The following KCNN3 variants were observed in gnomAD, a reference collection of about 807,000 sequenced individuals.
KCNN3 encodes the protein small conductance calcium-activated potassium channel protein 3.
A neutral mutation model predicts 62.9 loss-of-function variants in KCNN3; 16 were observed. That is an observed-to-expected ratio of 0.25 (90% CI 0.17 to 0.39). The LOEUF (loss-of-function observed/expected upper bound fraction) is 0.39, where lower values mean the gene tolerates loss of function less well. KCNN3 is among the 10% of genes least tolerant of loss of function. The pLI, the probability that KCNN3 is intolerant of heterozygous loss-of-function variation, is 1.00. For synonymous variants in KCNN3, 370 were observed against 389.2 expected, an observed-to-expected ratio of 0.95 and a Z score of 0.58; for missense variants, 599 against 949.4, an observed-to-expected ratio of 0.63 and a Z score of 4.85.
chr1:154,846,340 TC>T (rs1270918717), intron 1 of KCNN3, among the ~76,000 whole-genome samples: 8 of 152,072 alleles, frequency 5.3e-5, no homozygotes, highest in Non-Finnish European at 1.2e-4. Context: ...CTCCAAATCA[TC>T]GCTGGCTTCT....
intron 4 of KCNN3, among the ~76,000 whole-genome samples, chr1:154,727,939 G>T (rs150133840): frequency 3.3e-5 from 5 of 152,308 alleles, no homozygotes; most frequent in African/African-American, 1.2e-4. Context: ...GTTAAAAATG[G>T]AACATCAGAT....
At chr1:154,720,777 A>G (rs937238903) in intron 5 of KCNN3, among the ~76,000 whole-genome samples, 3 of 152,206 alleles carry the variant, frequency 2.0e-5, no homozygotes, top group African/African-American at 7.2e-5. Flanking sequence ...GGGGTAAGGG[A>G]CGCCGAAGTG....
chr1:154,765,466 T>C (rs142453776), intron 3 of KCNN3, among the ~76,000 whole-genome samples: 122 of 152,270 alleles, frequency 8.0e-4, no homozygotes, highest in African/African-American at 2.7e-3. Context: ...GTGCCATCAA[T>C]GTGGATTTTC....
chr1:154,735,849 C>G (rs968331735), intron 3 of KCNN3, among the ~76,000 whole-genome samples: 1 of 152,166 alleles, frequency 6.6e-6, no homozygotes, highest in African/African-American at 2.4e-5. Context: ...GAAAATCAGA[C>G]TTTAGCTTCT....
intron 2 of KCNN3, among the ~76,000 whole-genome samples, chr1:154,819,399 C>T (rs1050379963): frequency 6.6e-6 from 1 of 152,122 alleles, no homozygotes; most frequent in Non-Finnish European, 1.5e-5. Context: ...TATACTCTGC[C>T]GAGAAGAGTA....
At chr1:154,822,217 G>A in intron 1 of KCNN3, 33 bp from the exon 2 acceptor site, 8 of 1,487,788 alleles carry the variant, frequency 5.4e-6, no homozygotes, top group Non-Finnish European at 7.5e-6. Flanking sequence ...GAATTAGGGA[G>A]TGCGGGGAAA....
chr1:154,750,182 A>G (rs971071225), intron 3 of KCNN3, among the ~76,000 whole-genome samples: 4 of 152,208 alleles, frequency 2.6e-5, no homozygotes, highest in Admixed American at 6.5e-5. Flanking sequence ...AGTCGCACAC[A>G]CTTTTCCCTC....
At chr1:154,813,133 G>C (rs1650498064) in intron 2 of KCNN3, among the ~76,000 whole-genome samples, 1 of 151,830 alleles carries the variant, frequency 6.6e-6, no homozygotes, top group African/African-American at 2.4e-5. Flanking sequence ...AACTGGCCCT[G>C]GCCTCTCGTC....
At chr1:154,754,616 G>C (rs891946155) in intron 3 of KCNN3, among the ~76,000 whole-genome samples, 1 of 152,146 alleles carries the variant, frequency 6.6e-6, no homozygotes, top group Non-Finnish European at 1.5e-5. Context: ...TGGCTAAAAG[G>C]TAGGTGGGAT....
intron 1 of KCNN3, among the ~76,000 whole-genome samples, chr1:154,861,416 A>T (rs994464309): frequency 3.3e-5 from 5 of 152,038 alleles, no homozygotes; most frequent in African/African-American, 9.7e-5. Context: ...CTGCCTGCCC[A>T]AAGCCTCTCC....
intron 1 of KCNN3, among the ~76,000 whole-genome samples, chr1:154,846,637 A>G (rs374864516): frequency 1.3e-5 from 2 of 152,112 alleles, no homozygotes; most frequent in South Asian, 2.1e-4. Flanking sequence ...CCCTACTGCC[A>G]TTGGGTGTCT....
At chr1:154,788,322 T>C (rs1277067169) in intron 2 of KCNN3, among the ~76,000 whole-genome samples, 3 of 152,176 alleles carry the variant, frequency 2.0e-5, no homozygotes, top group Non-Finnish European at 2.9e-5. Flanking sequence ...GGAAGCACCA[T>C]ACAAAGTGGT....
chr1:154,819,447 T>C (rs1650802879), intron 2 of KCNN3, among the ~76,000 whole-genome samples: 2 of 152,026 alleles, frequency 1.3e-5, no homozygotes, highest in Admixed American at 1.3e-4. Flanking sequence ...CATGCAAAGA[T>C]TAATGCAAAG....
At chr1:154,786,681 T>C (rs1557975944) in intron 2 of KCNN3, among the ~76,000 whole-genome samples, 1 of 152,234 alleles carries the variant, frequency 6.6e-6, no homozygotes, top group Non-Finnish European at 1.5e-5. Context: ...TAATCACCTC[T>C]GGCTAAACAC....
chr1:154,719,880 C>T (rs999796215), intron 5 of KCNN3, among the ~76,000 whole-genome samples: 2 of 152,078 alleles, frequency 1.3e-5, no homozygotes, highest in Non-Finnish European at 2.9e-5. Context: ...ACCCAGAGGC[C>T]CTCACTGACC....
chr1:154,763,513 G>A (rs565053383), intron 3 of KCNN3, among the ~76,000 whole-genome samples: 1 of 152,242 alleles, frequency 6.6e-6, no homozygotes, highest in East Asian at 1.9e-4. Context: ...AGTAGCTGGG[G>A]CTATCAGTGC....
At chr1:154,798,505 T>C (rs1649823574) in intron 2 of KCNN3, among the ~76,000 whole-genome samples, 1 of 152,248 alleles carries the variant, frequency 6.6e-6, no homozygotes, top group African/African-American at 2.4e-5. Flanking sequence ...TCTCTGACTA[T>C]TAATCAGGCT....
Position 154,708,139 on chromosome 1 carries a change from G to A in KCNN3, c.2033C>T (p.Ala678Val), listed in dbSNP as rs371429880. Residue 678 changes from alanine (A) to valine (V), a missense_variant, in exon 8 of 8, where the codon GCC becomes GTC. Physicochemically the swap from Ala to Val is moderately conservative, Grantham distance 64. Around this residue, in one of 7 missense-constraint regions of KCNN3, gnomAD observed 288 missense variants for 557.4 expected, o/e 0.52. Coordinates refer to ENST00000271915, the MANE Select transcript of KCNN3 (RefSeq NM_002249.6). ...ASFNSLPLLI[A>V]DTLRQQQQQL... ...CTGCTGCTGCTGGCGCAGGGTGTCG[G>A]CGATGAGCAGCGGCAGGGAGTTGAA... 1.9e-6 allele frequency: 3 copies of A among 1,613,632 alleles called. No homozygotes were observed. In the African/African-American group the frequency reaches 4.0e-5, roughly 22 times the overall value.
At chr1:154,857,965 A>C (rs565497931) in intron 1 of KCNN3, among the ~76,000 whole-genome samples, 2 of 152,162 alleles carry the variant, frequency 1.3e-5, no homozygotes, top group Non-Finnish European at 2.9e-5. Context: ...CTGTGGACAC[A>C]GGCTTTCTTT....
Sources: gnomAD v4.1 joint callset for allele counts (sites outside exome capture counted in the v4.1 genomes callset) on GRCh38, gnomAD v4.1.1 for gene constraint, gnomAD v4.1.1 regional missense constraint, MANE v1.5 for transcripts, NCBI Gene and HGNC (gene_info 2026-07-23, HGNC 2026-07-21) for gene names.